Variants in TMEM8B observed in about 807,000 individuals in gnomAD.
The protein encoded by TMEM8B is transmembrane protein 8B.
Under a neutral mutation model 49.3 loss-of-function variants are expected in TMEM8B, and 29 were observed. The ratio of observed to expected loss-of-function variants is 0.59; its 90% CI spans 0.44 to 0.80. TMEM8B has a LOEUF of 0.80. Among genes scored for constraint, TMEM8B ranks in the 30% least tolerant of loss-of-function variants. The pLI is 0.00. For missense variants in TMEM8B, 575 were observed against 658.5 expected (o/e 0.87, Z 1.39); for synonymous variants, 264 against 272.8 (o/e 0.97, Z 0.32).
chr9:35,851,296 A>G (rs1377942669), intron 10 of TMEM8B, among the ~76,000 whole-genome samples: 1 of 144,416 alleles, frequency 6.9e-6, no homozygotes, highest in Non-Finnish European at 1.5e-5. Flanking sequence ...GGCACACGCT[A>G]CCGTGCCCAG....
intron 1 of TMEM8B, 139 bp downstream of exon 1, chr9:35,830,094 C>G (rs1829703813): frequency 2.5e-6 from 1 of 400,148 alleles, no homozygotes; most frequent in African/African-American, 2.1e-5. Flanking sequence ...GTAGAGAGGT[C>G]TTACACAACA....
Position 35,846,503 on chromosome 9 carries a change from C to T in TMEM8B, c.1888C>T (p.Arg630Trp), listed in dbSNP as rs2132345259. The T allele has an allele frequency of 6.3e-7, 1 of 1,595,152 alleles. No homozygotes were observed. Residue 630 changes from arginine (R) to tryptophan (W), a missense_variant, in exon 9 of 13, where the codon CGG (arginine) becomes TGG (tryptophan). Physicochemically the swap from Arg to Trp is moderately radical, Grantham distance 101 (BLOSUM62 -3). Transcript: ENST00000643932. Reference sequence around the variant, plus strand: ...GTGCCGCAACGCGACGGCCGAGGTGCGGATGCGCACCTTCCTGTCCCCATG... The same window carrying T: ...GTGCCGCAACGCGACGGCCGAGGTGTGGATGCGCACCTTCCTGTCCCCATG... ...VRCRNATAEV[R>W]MRTFLSPCVD...
rs1832347231 is a variant in TMEM8B, at chr9:35,853,514, A to G, written c.2449A>G (p.Ser817Gly). Reference sequence around the variant, plus strand: ...TCTCTGTCTCCCCCAGACAGTACGCAGCGTCCGCCGCCGGCACTGCTACCC... The same window carrying G: ...TCTCTGTCTCCCCCAGACAGTACGCGGCGTCCGCCGCCGGCACTGCTACCC... Reference protein sequence around the residue: ...GILATAWTVRSVRRRHCYPPT... With the variant: ...GILATAWTVRGVRRRHCYPPT... The change falls in exon 13 of 13, where the codon AGC becomes GGC. Residue 817 changes from serine (S) to glycine (G), a missense_variant. By Grantham distance (56) the Ser-to-Gly change is moderately conservative. Coordinates refer to ENST00000643932, the MANE Select transcript of TMEM8B (RefSeq NM_001042590.4). This position sits in a 1 kb window ranked among gnomAD's most constrained non-coding sequence, Gnocchi z 4.2. The G allele has an allele frequency of 6.2e-7, 1 of 1,612,514 alleles. No individual in the cohort carries two copies. Among genetic ancestry groups the G allele is most frequent in the South Asian group, 1.1e-5 (1 of 91,010 alleles).
chr9:35,843,922 C>T (rs1831262249), intron 6 of TMEM8B, among the ~76,000 whole-genome samples: 1 of 152,060 alleles, frequency 6.6e-6, no homozygotes, highest in East Asian at 1.9e-4. Flanking sequence ...ACCACCACAC[C>T]CAGCTAATTT....
chr9:35,853,945 A>G lies in TMEM8B; in HGVS notation c.*105A>G, dbSNP rs892255539. 1 of 1,410,154 alleles carries G rather than the reference A, an allele frequency of 7.1e-7. No individual in the cohort carries two copies. The highest frequency in any genetic ancestry group is 9.2e-7 in the Non-Finnish European group (1 of 1,086,438). 87.4% of individuals were successfully genotyped at this position (1,410,154 alleles called of 1,614,324 possible). ...GAGACAGGCTGTATTTCTTGAGGAC[A>G]TGGAGTCTTTCTCAAGGACACAAAA... On this transcript the variant is annotated 3_prime_UTR_variant, in exon 13 of 13. Coordinates refer to ENST00000643932, the MANE Select transcript of TMEM8B (RefSeq NM_001042590.4). This position sits in a 1 kb window ranked among gnomAD's most constrained non-coding sequence, Gnocchi z 4.2.
Position 35,846,577 on chromosome 9 carries a change from C to A in TMEM8B, c.1962C>A (p.His654Gln), listed in dbSNP as rs1053641289. ...GCCAGTGCAAGCTGCTGCGCACACA[C>A]AATTATCTGTACGCAGCCTGCGAGT... The part of the protein sequence containing the change: ...PYGQCKLLRT[H>Q]NYLYAACECK... The change falls in exon 9 of 13, where the codon CAC (histidine) becomes CAA (glutamine). Residue 654 changes from histidine to glutamine, a missense_variant. His to Gln is a conservative substitution (Grantham distance 24, BLOSUM62 0). Coordinates refer to ENST00000643932, the MANE Select transcript of TMEM8B (RefSeq NM_001042590.4). 2 of 1,572,794 alleles carry A rather than the reference C, an allele frequency of 1.3e-6. No homozygotes were observed. The highest frequency in any genetic ancestry group is 1.9e-5 in the Admixed American group (1 of 53,070).
intron 10 of TMEM8B, among the ~76,000 whole-genome samples, chr9:35,850,148 G>A (rs1290515136): frequency 6.6e-6 from 1 of 152,174 alleles, no homozygotes; most frequent in Non-Finnish European, 1.5e-5. Context: ...TTCCAATCTG[G>A]GCATGGATTA....
At position 35,829,451 on chromosome 9, in the gene TMEM8B, G is replaced by T. The variant is rs1829614699; in HGVS notation, c.4G>T (p.Ala2Ser). 2.6e-5 allele frequency: 9 copies of T among 352,894 alleles called. No homozygotes were observed. Among genetic ancestry groups the T allele is most frequent in the Non-Finnish European group, 4.6e-5 (9 of 197,026 alleles). The allele number at this position is 352,894 out of a possible 1,614,324, so 21.9% of individuals were successfully genotyped here. A position where few individuals can be genotyped will look rare whatever the true frequency, so the allele number is the denominator to read the frequency against. Residue 2 changes from alanine to serine, a missense_variant, in exon 1 of 13, where the codon GCC becomes TCC. Ala to Ser is a moderately conservative substitution (Grantham distance 99, BLOSUM62 1). Coordinates refer to ENST00000643932, the MANE Select transcript of TMEM8B (RefSeq NM_001042590.4). M[A>S]QPLSRPLVLS... ...GGCCCCGCCCCCGCCCCGGGCCATG[G>T]CCCAGCCCTTGTCCCGGCCCCTCGT... is the stretch of plus-strand genomic sequence containing the variant.
intron 1 of TMEM8B, 119 bp from the exon 2 acceptor site, chr9:35,834,342 G>A: frequency 2.5e-6 from 1 of 398,832 alleles, no homozygotes; most frequent in Non-Finnish European, 4.4e-6. Flanking sequence ...CCCAGTTCCT[G>A]GCTCAGAGGA....
At chr9:35,845,768 C>G in intron 6 of TMEM8B, 4 of 985,448 alleles carry the variant, frequency 4.1e-6, no homozygotes, top group Non-Finnish European at 4.8e-6. Flanking sequence ...CTCATCAGTC[C>G]TTGAAAGATT....
rs190974760 is a variant in TMEM8B at position 35,863,790 on chromosome 9, G to A, written c.*9950G>A. ...GAGACATTTGTCATATCTGCACACA[G>A]CCCACTGGCCCTGCGGCATCCTACC... On this transcript the variant is annotated 3_prime_UTR_variant, in exon 13 of 13. Coordinates refer to ENST00000643932, the MANE Select transcript of TMEM8B (RefSeq NM_001042590.4). 6.6e-6 allele frequency: 1 copy of A among 152,412 alleles called. No individual in the cohort carries two copies. The highest frequency in any genetic ancestry group is 2.4e-5 in the African/African-American group (1 of 41,572). 9.4% of individuals were successfully genotyped at this position (152,412 alleles called of 1,614,324 possible).
chr9:35,860,591 AT>A lies in TMEM8B; in HGVS notation c.*6754del, dbSNP rs1289021203. On this transcript the variant is annotated 3_prime_UTR_variant, in exon 13 of 13. Coordinates refer to ENST00000643932, the MANE Select transcript of TMEM8B (RefSeq NM_001042590.4). ...GTTCCTTGGGCCATGAAGATCAAAT[AT>A]TTCAGCCCCATAGGATGTGTAAGCT... The A allele has an allele frequency of 6.6e-6, 1 of 152,132 alleles. No individual in the cohort carries two copies. Among genetic ancestry groups the A allele is most frequent in the African/African-American group, 2.4e-5 (1 of 41,422 alleles). The allele number at this position is 152,132 out of a possible 1,614,324, so 9.4% of individuals were successfully genotyped here.
At chr9:35,835,730 G>C (rs1198297884) in intron 3 of TMEM8B, among the ~76,000 whole-genome samples, 1 of 152,238 alleles carries the variant, frequency 6.6e-6, no homozygotes, top group East Asian at 1.9e-4. Context: ...GACCACAAGA[G>C]AAGCTCTTTC....
rs147404027 is a variant in TMEM8B at position 35,833,712 on chromosome 9, T to G, written c.509-749T>G. 4.5e-3 allele frequency among the ~76,000 whole-genome samples: 680 copies of G among 152,286 alleles called. 6 individuals are homozygous for G. Among genetic ancestry groups the G allele is most frequent in the Middle Eastern group, 6.8e-3 (2 of 294 alleles). ...GAACATTCCCCCGGCCCCCACCTAC[T>G]AGCTGTGCATTCTGACCTGGGAGGC... On this transcript the variant is annotated intron_variant, in intron 1 of 12. Coordinates refer to ENST00000643932, the MANE Select transcript of TMEM8B (RefSeq NM_001042590.4).
rs1161065300 is a variant in TMEM8B, at chr9:35,859,176, G to A, written c.*5336G>A. Reference sequence around the variant, plus strand: ...CACAACCCCGTAGAACAATGCGACAGTCTTATCCACGTTGGGATCCTTGGC... The same window carrying A: ...CACAACCCCGTAGAACAATGCGACAATCTTATCCACGTTGGGATCCTTGGC... On this transcript the variant is annotated 3_prime_UTR_variant, in exon 13 of 13. Transcript: ENST00000643932. 1 of 154,336 alleles carries A rather than the reference G, an allele frequency of 6.5e-6. No homozygotes were observed. Among genetic ancestry groups the A allele is most frequent in the African/African-American group, 2.4e-5 (1 of 41,494 alleles). 9.6% of individuals were successfully genotyped at this position (154,336 alleles called of 1,614,324 possible). A position where few individuals can be genotyped will look rare whatever the true frequency, so the allele number is the denominator to read the frequency against.
chr9:35,846,521 T>TC lies in TMEM8B; in HGVS notation c.1910dup (p.Cys638MetfsTer94). Reference sequence around the variant, plus strand: ...CGAGGTGCGGATGCGCACCTTCCTGTCCCCATGCGTGGACGACTGCGGGCC... The same window carrying TC: ...CGAGGTGCGGATGCGCACCTTCCTGTCCCCCATGCGTGGACGACTGCGGGCC... On this transcript the variant is annotated frameshift_variant, in exon 9 of 13. Transcript: ENST00000643932. LOFTEE classifies it high-confidence loss of function. 6.3e-7 allele frequency: 1 copy of TC among 1,590,042 alleles called. No homozygotes were observed. The highest frequency in any genetic ancestry group is 8.6e-7 in the Non-Finnish European group (1 of 1,168,250).
intron 10 of TMEM8B, among the ~76,000 whole-genome samples, chr9:35,851,523 A>G (rs1401209464): frequency 1.3e-5 from 2 of 152,220 alleles, no homozygotes; most frequent in Non-Finnish European, 2.9e-5. Context: ...CACTTTTTCA[A>G]TTTAACAGTA....
rs753006525 is a variant in TMEM8B, at chr9:35,853,543, C to T, written c.2478C>T (p.Pro826=). 3.7e-6 allele frequency: 6 copies of T among 1,614,134 alleles called. No individual in the cohort carries two copies. Among genetic ancestry groups the T allele is most frequent in the East Asian group, 2.2e-5 (1 of 44,888 alleles). Residue 826 remains proline, a synonymous_variant, in exon 13 of 13, where the codon CCC becomes CCT. Coordinates refer to ENST00000643932, the MANE Select transcript of TMEM8B (RefSeq NM_001042590.4). The surrounding 1 kb of genome is among the most constrained non-coding windows in gnomAD (Gnocchi z 4.2). The part of the protein sequence containing the change: ...RSVRRRHCYP[P]TWRRWLFYLC... ...TCCGCCGCCGGCACTGCTACCCACC[C>T]ACGTGGCGCCGCTGGCTTTTCTACT... is the stretch of plus-strand genomic sequence containing the variant.
chr9:35,844,610 G>A (rs139337532), intron 6 of TMEM8B, among the ~76,000 whole-genome samples: 97 of 152,378 alleles, frequency 6.4e-4, no homozygotes, highest in Non-Finnish European at 9.3e-4. Flanking sequence ...AGCTAAGACT[G>A]TATGTATTTT....
Sources: gnomAD v4.1 joint callset for allele counts (sites outside exome capture counted in the v4.1 genomes callset) on GRCh38, gnomAD v4.1.1 for gene constraint, Gnocchi (gnomAD v3.1) non-coding constraint, MANE v1.5 for transcripts, NCBI Gene and HGNC (gene_info 2026-07-23, HGNC 2026-07-21) for gene names.